BPIFC: variants seen among roughly 807,000 people sequenced by gnomAD.
BPIFC encodes BPI fold containing family C.
A neutral mutation model predicts 57.6 loss-of-function variants in BPIFC; 60 were observed. The observed-to-expected ratio is 1.04, with a 90% CI of 0.85 to 1.29. BPIFC has a LOEUF of 1.29. Among genes scored for constraint, BPIFC ranks in the 50% most tolerant of loss-of-function variants. The pLI, the probability that BPIFC is intolerant of heterozygous loss-of-function variation, is 0.00. For synonymous variants in BPIFC, 243 were observed against 224.5 expected, an observed-to-expected ratio of 1.08 and a Z score of -0.74; for missense variants, 581 against 600.5, an observed-to-expected ratio of 0.97 and a Z score of 0.34.
intron 4 of BPIFC, 42 bp downstream of exon 4, chr22:32,453,341 T>G: frequency 9.2e-6 from 13 of 1,412,354 alleles, no homozygotes; most frequent in Middle Eastern, 2.0e-4. Flanking sequence ...CTGTTTCCTT[T>G]GAGCTTCTTA....
At chr22:32,443,626 C>T (rs1265389039) in intron 7 of BPIFC, among the ~76,000 whole-genome samples, 4 of 152,172 alleles carry the variant, frequency 2.6e-5, no homozygotes, top group Non-Finnish European at 4.4e-5. Flanking sequence ...CACTGATGTG[C>T]CTCTTGTGTG....
intron 13 of BPIFC, among the ~76,000 whole-genome samples, chr22:32,419,994 G>T (rs571472413): frequency 3.9e-4 from 60 of 152,008 alleles, no homozygotes; most frequent in Non-Finnish European, 6.8e-4. Context: ...GGAACTTAAT[G>T]TTGGCAACTT....
chr22:32,449,060 C>G (rs949467638), intron 4 of BPIFC, among the ~76,000 whole-genome samples: 1 of 152,144 alleles, frequency 6.6e-6, no homozygotes, highest in African/African-American at 2.4e-5. Flanking sequence ...GAGGTGGTTG[C>G]TGTTTTTGCA....
chr22:32,443,385 G>A (rs1264966720), intron 7 of BPIFC, among the ~76,000 whole-genome samples: 7 of 152,168 alleles, frequency 4.6e-5, no homozygotes, highest in African/African-American at 1.2e-4. Flanking sequence ...GGATGGTCTC[G>A]ATCTCCTGAC....
At chr22:32,437,660 G>A (rs1934445644) in intron 9 of BPIFC, 100 bp downstream of exon 9, 2 of 839,358 alleles carry the variant, frequency 2.4e-6, no homozygotes, top group East Asian at 5.2e-5. Flanking sequence ...CAAAGTGCTG[G>A]GATTACAGGT....
chr22:32,419,296 A>G, intron 14 of BPIFC, 66 bp downstream of exon 14: 5 of 1,483,888 alleles, frequency 3.4e-6, no homozygotes, highest in Non-Finnish European at 4.6e-6. Context: ...TTAATTCGCT[A>G]TTATATATAG....
In BPIFC at chr22:32,419,367, T is replaced by C; in HGVS notation, c.1255A>G (p.Ile419Val). The C allele has an allele frequency of 2.5e-6, 4 of 1,613,748 alleles. No individual in the cohort carries two copies. The highest frequency in any genetic ancestry group is 3.3e-4 in the Middle Eastern group (2 of 6,060). Residue 419 changes from isoleucine (I) to valine (V), a missense_variant, in exon 14 of 17, where the codon ATT becomes GTT. Coordinates refer to ENST00000300399, the MANE Select transcript of BPIFC (RefSeq NM_174932.3). ...LALPESNRSN[I>V]EVLRFENILS... ...CCAAGAGCTCAGATTCCTACCTCAA[T>C]GTTGCTGCGATTGGACTCTGGCAAA... is the stretch of plus-strand genomic sequence containing the variant.
At chr22:32,447,482 G>C in intron 4 of BPIFC, 142 bp from the exon 5 acceptor site, 1 of 987,706 alleles carries the variant, frequency 1.0e-6, no homozygotes, top group Non-Finnish European at 1.4e-6. Context: ...TGTCTGCAAG[G>C]CTGTCTCTGG....
chr22:32,419,038 A>C (rs189017258), intron 14 of BPIFC, among the ~76,000 whole-genome samples: 1 of 152,206 alleles, frequency 6.6e-6, no homozygotes, highest in South Asian at 2.1e-4. Flanking sequence ...TGTCTCGTCT[A>C]TAACTCTAGA....
intron 13 of BPIFC, among the ~76,000 whole-genome samples, chr22:32,424,153 T>G (rs1395298608): frequency 6.6e-6 from 1 of 152,068 alleles, no homozygotes; most frequent in Non-Finnish European, 1.5e-5. Context: ...AACAACCCTA[T>G]GGAGGGGTGT....
Position 32,447,225 on chromosome 22 carries a change from C to G in BPIFC, c.361G>C (p.Glu121Gln), listed in dbSNP as rs368253432. The stretch of plus-strand genomic sequence containing the variant: ...TGGAATACTCACAAAAGTGGAGACT[C>G]GAACCCCCAGTCTGTGCTGATGTTG... ...TANISTDWGFESPLFQDTGGA... is the reference protein window; with the variant it reads ...TANISTDWGFQSPLFQDTGGA... Residue 121 changes from glutamate to glutamine, a missense_variant, in exon 5 of 17, where the codon GAG becomes CAG. Transcript: ENST00000300399. The G allele has an allele frequency of 2.5e-6, 4 of 1,604,954 alleles. No homozygotes were observed. The highest frequency in any genetic ancestry group is 1.1e-5 in the South Asian group (1 of 89,524).
chr22:32,444,899 CAGTT>C (rs1206951286), intron 7 of BPIFC, among the ~76,000 whole-genome samples: 4 of 152,122 alleles, frequency 2.6e-5, no homozygotes, highest in East Asian at 1.9e-4. Flanking sequence ...TTCAAGTACT[CAGTT>C]AGTTATTGTT....
chr22:32,461,899 C>T (rs747553925), intron 1 of BPIFC, among the ~76,000 whole-genome samples: 12 of 151,970 alleles, frequency 7.9e-5, no homozygotes, highest in East Asian at 5.8e-4. Context: ...ATAGGCCGGG[C>T]GTGGTGGCTC....
At chr22:32,448,892 G>A (rs1021096680) in intron 4 of BPIFC, among the ~76,000 whole-genome samples, 6 of 151,374 alleles carry the variant, frequency 4.0e-5, no homozygotes, top group African/African-American at 9.7e-5. Flanking sequence ...AGCCGAGATC[G>A]CCCCACTGCA....
At position 32,416,108 on chromosome 22, in the gene BPIFC, T is replaced by C. The variant is rs1024278812; in HGVS notation, c.1325-117A>G. The stretch of plus-strand genomic sequence containing the variant: ...TTTTTTTTTTTTTTGAGATGGAGTT[T>C]TGCTCTTGTTGCCCAGGCTGGAATG... On this transcript the variant is annotated intron_variant, in intron 15 of 16. Transcript: ENST00000300399. 5.9e-5 allele frequency: 35 copies of C among 589,106 alleles called. No homozygotes were observed. In the Admixed American group the frequency reaches 1.2e-3, roughly 21 times the overall value. 36.5% of individuals were successfully genotyped at this position (589,106 alleles called of 1,614,324 possible).
At chr22:32,423,596 G>GTGTA (rs1271391872) in intron 13 of BPIFC, among the ~76,000 whole-genome samples, 3 of 151,270 alleles carry the variant, frequency 2.0e-5, no homozygotes, top group Non-Finnish European at 4.4e-5. Flanking sequence ...GTGTGTGTGT[G>GTGTA]TGTGTGTGTG....
At chr22:32,452,649 AAAC>A (rs1934927512) in intron 4 of BPIFC, among the ~76,000 whole-genome samples, 2 of 141,956 alleles carry the variant, frequency 1.4e-5, no homozygotes. Flanking sequence ...AAAAAAAAAA[AAAC>A]ACAAAAAACA....
intron 8 of BPIFC, among the ~76,000 whole-genome samples, chr22:32,439,397 C>T (rs934065846): frequency 6.6e-6 from 1 of 151,962 alleles, no homozygotes; most frequent in Non-Finnish European, 1.5e-5. Context: ...ACTCAGGGCT[C>T]AGGTTTCCCA....
At chr22:32,452,500 G>A (rs956628371) in intron 4 of BPIFC, among the ~76,000 whole-genome samples, 11 of 151,984 alleles carry the variant, frequency 7.2e-5, no homozygotes, top group Non-Finnish European at 1.5e-4. Flanking sequence ...TTAGCCGGGC[G>A]TGGTGGCGGG....
Sources: gnomAD v4.1 joint callset for allele counts (sites outside exome capture counted in the v4.1 genomes callset) on GRCh38, gnomAD v4.1.1 for gene constraint, MANE v1.5 for transcripts, NCBI Gene and HGNC (gene_info 2026-07-23, HGNC 2026-07-21) for gene names.